The following MID1 variants were observed in gnomAD, a reference collection of about 807,000 sequenced individuals.
MID1 encodes midline 1.
A neutral mutation model predicts 40.4 loss-of-function variants in MID1; 7 were observed. The ratio of observed to expected loss-of-function variants is 0.17; its 90% CI spans 0.10 to 0.33. The LOEUF (loss-of-function observed/expected upper bound fraction) is 0.33. Ranked by LOEUF, MID1 falls within the 10% of genes least tolerant of loss-of-function variation. MID1 has a pLI of 1.00. For missense variants in MID1, 367 were observed against 558.5 expected (o/e 0.66, Z 3.46); for synonymous variants, 229 against 221.2 (o/e 1.04, Z -0.31).
intron 1 of MID1, among the ~76,000 whole-genome samples, chrX:10,746,115 C>T (rs761224566): frequency 1.8e-5 from 2 of 111,698 alleles, no homozygotes; most frequent in East Asian, 2.8e-4. Context: ...AGAGAAGAGG[C>T]GGCATTCCTG....
intron 1 of MID1, among the ~76,000 whole-genome samples, chrX:10,702,693 T>C (rs2043199938): frequency 1.8e-5 from 2 of 112,583 alleles, no homozygotes; most frequent in South Asian, 7.3e-4. Flanking sequence ...AAAAACTCTA[T>C]TGGACAGTTT....
intron 3 of MID1, among the ~76,000 whole-genome samples, chrX:10,515,667 A>G (rs1422703861): frequency 8.9e-6 from 1 of 111,959 alleles, no homozygotes; most frequent in African/African-American, 3.3e-5. Flanking sequence ...ACCTTGAGCA[A>G]GAATGGTAAG....
chrX:10,532,771 G>GTTT (rs55826454), intron 2 of MID1, among the ~76,000 whole-genome samples: 1 of 101,743 alleles, frequency 9.8e-6, no homozygotes, highest in African/African-American at 3.6e-5. Context: ...GCTAAGAATG[G>GTTT]TTTTTTTTTT....
intron 1 of MID1, among the ~76,000 whole-genome samples, chrX:10,811,778 G>T (rs774036037): frequency 9.0e-6 from 1 of 111,730 alleles, no homozygotes; most frequent in Non-Finnish European, 1.9e-5. Context: ...GACTAGGACT[G>T]ATCTGTGATG....
intron 8 of MID1, among the ~76,000 whole-genome samples, chrX:10,455,521 T>C (rs1319155336): frequency 9.0e-6 from 1 of 111,479 alleles, no homozygotes; most frequent in East Asian, 2.8e-4. Flanking sequence ...CACAGGTACA[T>C]ACTGGCTGGA....
chrX:10,610,960 G>A (rs1001589302), intron 1 of MID1, among the ~76,000 whole-genome samples: 1 of 112,151 alleles, frequency 8.9e-6, no homozygotes, highest in Non-Finnish European at 1.9e-5. Context: ...GTTTGGTTAT[G>A]CTCTGAAGAG....
chrX:10,609,719 T>C (rs1044272636), intron 1 of MID1, among the ~76,000 whole-genome samples: 39 of 97,841 alleles, frequency 4.0e-4, no homozygotes, highest in East Asian at 1.5e-3. Context: ...TTCTTTCTTT[T>C]TTTTTTTTTT....
rs753603611 is a variant in MID1 at position 10,468,079 on chromosome X, CCTA to C, written c.1285+1615_1285+1617del. On this transcript the variant is annotated intron_variant, in intron 7 of 9. Coordinates refer to ENST00000317552, the MANE Select transcript of MID1 (RefSeq NM_000381.4). ...CACCATTTCTGACCTTTCTATATTCCCTACTGACTCAGGCAGCTTGCCAGAGCT... is the reference window on the plus strand; with the variant it reads ...CACCATTTCTGACCTTTCTATATTCCCTGACTCAGGCAGCTTGCCAGAGCT... Among the ~76,000 whole-genome samples the C allele has an allele frequency of 5.4e-5, 6 of 112,038 alleles. No homozygotes were observed. The South Asian group carries it at 2.3e-3, about 42-fold the overall frequency.
intron 1 of MID1, among the ~76,000 whole-genome samples, chrX:10,798,498 A>G (rs1296336684): frequency 8.9e-6 from 1 of 112,005 alleles, no homozygotes; most frequent in Non-Finnish European, 1.9e-5. Context: ...TGTGACAGCA[A>G]TTTAGCACTT....
intron 3 of MID1, chrX:10,501,336 C>T: frequency 6.1e-6 from 6 of 991,315 alleles, no homozygotes; most frequent in Non-Finnish European, 8.2e-6. Context: ...CACATTAGCC[C>T]ACCAGTATGA....
intron 7 of MID1, among the ~76,000 whole-genome samples, chrX:10,464,974 C>T (rs1489607391): frequency 9.1e-6 from 1 of 109,450 alleles, no homozygotes; most frequent in African/African-American, 3.3e-5. Context: ...CACTTGAGGC[C>T]AGGAGTTGAG....
At chrX:10,784,866 A>G (rs969789660) in intron 1 of MID1, among the ~76,000 whole-genome samples, 9 of 111,256 alleles carry the variant, frequency 8.1e-5, no homozygotes. Context: ...CACAGCCAAT[A>G]TCATACTGAA....
intron 2 of MID1, among the ~76,000 whole-genome samples, chrX:10,535,417 G>T (rs763053909): frequency 4.6e-4 from 52 of 112,060 alleles, no homozygotes; most frequent in African/African-American, 1.7e-3. Flanking sequence ...ACAAGTACAG[G>T]AATAAAATTA....
intron 1 of MID1, among the ~76,000 whole-genome samples, chrX:10,600,385 A>T (rs1274627343): frequency 3.6e-5 from 4 of 111,247 alleles, no homozygotes; most frequent in Non-Finnish European, 7.5e-5. Context: ...GTTCCTATTG[A>T]ACATTTATAA....
intron 1 of MID1, among the ~76,000 whole-genome samples, chrX:10,592,943 G>T (rs1050789632): frequency 1.8e-5 from 2 of 111,956 alleles, no homozygotes; most frequent in Non-Finnish European, 3.8e-5. Flanking sequence ...TTTTCCTTGA[G>T]ATCATCATTA....
chrX:10,452,506 G>A (rs1345403594), intron 9 of MID1, among the ~76,000 whole-genome samples: 1 of 111,909 alleles, frequency 8.9e-6, no homozygotes, highest in Non-Finnish European at 1.9e-5. Flanking sequence ...ATGTCTCTCG[G>A]AGCAATGTTA....
chrX:10,663,744 G>A (rs914832913), intron 1 of MID1, among the ~76,000 whole-genome samples: 7 of 111,739 alleles, frequency 6.3e-5, no homozygotes, highest in Admixed American at 5.7e-4. Flanking sequence ...GTAGAATTAT[G>A]TTAGGATAAA....
intron 4 of MID1, among the ~76,000 whole-genome samples, chrX:10,491,263 G>A (rs777241926): frequency 1.8e-5 from 2 of 111,780 alleles, no homozygotes; most frequent in South Asian, 7.4e-4. Flanking sequence ...ATTAGGCTGC[G>A]AGTTGTTCTT....
intron 9 of MID1, among the ~76,000 whole-genome samples, chrX:10,450,520 T>A (rs1187855807): frequency 8.9e-6 from 1 of 112,598 alleles, no homozygotes; most frequent in Non-Finnish European, 1.9e-5. Context: ...ATTTATTTTA[T>A]TATTATTGCC....
Sources: allele counts gnomAD v4.1 joint callset (sites outside exome capture counted in the v4.1 genomes callset), GRCh38; gene constraint gnomAD v4.1.1; transcripts MANE v1.5; gene names NCBI Gene and HGNC (gene_info 2026-07-23, HGNC 2026-07-21).